Variants in DZANK1 observed in about 807,000 individuals in gnomAD.
DZANK1 encodes double zinc ribbon and ankyrin repeat-containing protein 1.
DZANK1 carries 91 observed loss-of-function variants against 94.5 expected under a neutral mutation model. The observed-to-expected ratio is 0.96, with a 90% CI of 0.81 to 1.15. The LOEUF (loss-of-function observed/expected upper bound fraction) is 1.15, where lower values mean the gene tolerates loss of function less well. Among genes scored for constraint, DZANK1 ranks in the 50% most tolerant of loss-of-function variants. DZANK1 has a pLI of 0.00. For missense variants in DZANK1, 903 were observed against 916.4 expected (o/e 0.99, Z 0.19); for synonymous variants, 312 against 325.3 (o/e 0.96, Z 0.44).
intron 10 of DZANK1, among the ~76,000 whole-genome samples, chr20:18,422,406 G>A (rs1439821248): frequency 6.6e-6 from 1 of 152,110 alleles, no homozygotes; most frequent in African/African-American, 2.4e-5. Context: ...CTACATGCCT[G>A]TTTTTATGCT....
Position 18,429,604 on chromosome 20 carries a change from C to T in DZANK1, c.862-2445G>A, listed in dbSNP as rs545475074. Among the ~76,000 whole-genome samples the T allele has an allele frequency of 4.6e-5, 7 of 152,286 alleles. No individual in the cohort carries two copies. The South Asian group carries it at 6.2e-4, about 14-fold the overall frequency. ...ACATCACTGACACATCATTATCACC[C>T]GCAGCCCATGGTTTACATTAGGGTC... is the stretch of plus-strand genomic sequence containing the variant. On this transcript the variant is annotated intron_variant, in intron 9 of 20. Transcript: ENST00000262547.
intron 13 of DZANK1, among the ~76,000 whole-genome samples, chr20:18,407,003 T>G (rs78351406): frequency 0.037 from 5,593 of 152,250 alleles, 269 homozygotes; most frequent in African/African-American, 0.12. Context: ...CAGGAAAGAC[T>G]TTCTATGATT....
chr20:18,443,876 C>T (rs1042090727), intron 7 of DZANK1, among the ~76,000 whole-genome samples: 1 of 152,168 alleles, frequency 6.6e-6, no homozygotes, highest in Non-Finnish European at 1.5e-5. Flanking sequence ...GTCTGAGGGA[C>T]AGGGCTTCTT....
intron 4 of DZANK1, chr20:18,454,134 C>A: frequency 2.3e-6 from 1 of 434,990 alleles, no homozygotes; most frequent in Non-Finnish European, 4.4e-6. Flanking sequence ...AGAGGGACCA[C>A]CAAGTCCAGA....
At chr20:18,406,571 T>C (rs1018480559) in intron 13 of DZANK1, among the ~76,000 whole-genome samples, 2 of 152,246 alleles carry the variant, frequency 1.3e-5, no homozygotes, top group African/African-American at 4.8e-5. Flanking sequence ...GCTGTGGGCC[T>C]TGTGCTCTAA....
intron 10 of DZANK1, among the ~76,000 whole-genome samples, chr20:18,424,347 T>C (rs2057928641): frequency 6.6e-6 from 1 of 151,674 alleles, no homozygotes; most frequent in Admixed American, 6.6e-5. Context: ...CCCAGCTACT[T>C]GGGAGGCTGA....
intron 9 of DZANK1, among the ~76,000 whole-genome samples, chr20:18,428,235 C>A (rs1458751177): frequency 6.6e-6 from 1 of 151,188 alleles, no homozygotes; most frequent in African/African-American, 2.4e-5. Flanking sequence ...GTCACCCAGG[C>A]TGGCGTGCAG....
At chr20:18,384,883 G>T in intron 20 of DZANK1, 133 bp downstream of exon 20, 1 of 853,882 alleles carries the variant, frequency 1.2e-6, no homozygotes. Context: ...TGCCCCGGAA[G>T]CCATGGTGGG....
chr20:18,454,069 C>A, intron 4 of DZANK1: 1 of 590,006 alleles, frequency 1.7e-6, no homozygotes, highest in Non-Finnish European at 3.2e-6. Flanking sequence ...AGGCAGGAGG[C>A]AGGGAGCAGC....
exon 21 of DZANK1, chr20:18,384,522 T>C: frequency 6.2e-7 from 1 of 1,610,108 alleles, no homozygotes; most frequent in South Asian, 1.1e-5. Context: ...GGTCGTATGC[T>C]GTCTGGCCTC....
At chr20:18,406,927 T>C (rs951451024) in intron 13 of DZANK1, among the ~76,000 whole-genome samples, 4 of 152,174 alleles carry the variant, frequency 2.6e-5, no homozygotes, top group South Asian at 4.1e-4. Context: ...CCTGTGGACA[T>C]GTGGACCAGT....
Position 18,420,236 on chromosome 20 carries a change from A to T in DZANK1, c.955-4787T>A, listed in dbSNP as rs74362401. 3.5e-3 allele frequency: 717 copies of T among 203,164 alleles called. 10 individuals carry two copies. In the South Asian group the frequency reaches 0.036, roughly 10 times the overall value. The allele number at this position is 203,164 out of a possible 1,614,324, so 12.6% of individuals were successfully genotyped here. ...CTAGGTGGCAAGGAGGTCAACATCC[A>T]TGTCAAACGTATAAGCTTGCACCCA... On this transcript the variant is annotated intron_variant, in intron 10 of 20. Transcript: ENST00000262547.
chr20:18,397,422 GACATGGGAC>G (rs1372860701), intron 14 of DZANK1, among the ~76,000 whole-genome samples: 1 of 152,148 alleles, frequency 6.6e-6, no homozygotes, highest in African/African-American at 2.4e-5. Flanking sequence ...TCAAAGAAAG[GACATGGGAC>G]TCTGACAGGG....
chr20:18,442,643 G>T (rs1026216635), intron 8 of DZANK1, among the ~76,000 whole-genome samples: 1 of 152,026 alleles, frequency 6.6e-6, no homozygotes, highest in Admixed American at 6.5e-5. Context: ...CTAAAACTCT[G>T]GACTTGGAAC....
At position 18,465,115 on chromosome 20, in the gene DZANK1, T is replaced by C. The variant is rs188841236; in HGVS notation, c.109+135A>G. On this transcript the variant is annotated intron_variant, in intron 2 of 20. Transcript: ENST00000262547. ...ATCAATGTACAGCACTGTTTCAAAT[T>C]TTAGAAGTTTTACAAATTTCCCAAA... 4.9e-5 allele frequency: 29 copies of C among 593,734 alleles called. No individual in the cohort carries two copies. The East Asian group carries it at 8.8e-4, about 18-fold the overall frequency. The allele number at this position is 593,734 out of a possible 1,614,324, so 36.8% of individuals were successfully genotyped here.
chr20:18,463,463 C>CCCCAATAA (rs2059541599), intron 2 of DZANK1, among the ~76,000 whole-genome samples: 1 of 151,990 alleles, frequency 6.6e-6, no homozygotes, highest in South Asian at 2.1e-4. Context: ...GGTAGGAAAC[C>CCCCAATAA]TGCACATGTA....
At chr20:18,455,897 T>C (rs2424202) in intron 3 of DZANK1, among the ~76,000 whole-genome samples, 151,772 of 152,304 alleles carry the variant, frequency 1, 75,626 homozygotes, top group Middle Eastern at 1. Context: ...ACTACCCCAA[T>C]CCCCTGCCAG....
rs572448295 is a variant in DZANK1, at chr20:18,456,816, G to A, written c.264-1455C>T. On this transcript the variant is annotated intron_variant, in intron 3 of 20. Transcript: ENST00000262547. ...TTTTTATGTCCATTCCCCAGCTGAT[G>A]GTCATTTGGATTATTTCTGGGTTTG... Among the ~76,000 whole-genome samples, 5 of 152,102 alleles carry A rather than the reference G, an allele frequency of 3.3e-5. No individual in the cohort carries two copies. In the East Asian group the frequency reaches 9.6e-4, roughly 29 times the overall value.
In DZANK1 at chr20:18,398,578, T is replaced by A. The variant is rs181700509; in HGVS notation, c.1481A>T (p.Tyr494Phe). 7.1e-4 allele frequency: 1,146 copies of A among 1,613,946 alleles called. 2 individuals are homozygous for A. The highest frequency in any genetic ancestry group is 9.0e-4 in the Non-Finnish European group (1,059 of 1,179,874). Reference sequence around the variant, plus strand: ...CCGGAATTCAGGGTTGTTCTGAGCATAACACCTGAGGTGAGCAGAGATGTG... The same window carrying A: ...CCGGAATTCAGGGTTGTTCTGAGCAAAACACCTGAGGTGAGCAGAGATGTG... The change falls in exon 14 of 21, where the codon TAT becomes TTT. Residue 494 changes from tyrosine to phenylalanine, a missense_variant. By Grantham distance (22) the Tyr-to-Phe change is conservative (BLOSUM62 3). Coordinates refer to ENST00000262547, the Ensembl canonical transcript of DZANK1.
Sources: allele counts gnomAD v4.1 joint callset (sites outside exome capture counted in the v4.1 genomes callset), GRCh38; gene constraint gnomAD v4.1.1; transcripts MANE v1.5; gene names NCBI Gene and HGNC (gene_info 2026-07-23, HGNC 2026-07-21).